Variants in PCDH9 observed in about 807,000 individuals in gnomAD.
The protein encoded by PCDH9 is protocadherin-9.
A neutral mutation model predicts 70.6 loss-of-function variants in PCDH9; 24 were observed. The observed-to-expected ratio is 0.34, with a 90% CI of 0.25 to 0.48. The LOEUF is 0.48. PCDH9 is among the 20% of genes least tolerant of loss of function. The pLI is 0.99. For missense variants in PCDH9, 1,281 were observed against 1,503.6 expected (o/e 0.85, Z 2.45); for synonymous variants, 562 against 558.5 (o/e 1.01, Z -0.09).
rs139034161 is a variant in PCDH9 at position 66,945,333 on chromosome 13, T to A, written c.3037-41728A>T. 3.1e-3 allele frequency among the ~76,000 whole-genome samples: 473 copies of A among 152,252 alleles called. 2 individuals carry two copies. The highest frequency in any genetic ancestry group is 0.011 in the African/African-American group (448 of 41,556). On this transcript the variant is annotated intron_variant, in intron 2 of 4. Transcript: ENST00000377865. ...AGGCATACTATATGAGTTTTGATCA[T>A]CTGGCCCTTCTTTGAGTGCCATATT...
intron 2 of PCDH9, among the ~76,000 whole-genome samples, chr13:66,968,627 T>C (rs1376576939): frequency 6.6e-6 from 1 of 152,070 alleles, no homozygotes; most frequent in Non-Finnish European, 1.5e-5. Context: ...GGCTAATACA[T>C]TAGCTATCAA....
chr13:66,624,649 T>C (rs1351697956), intron 4 of PCDH9, among the ~76,000 whole-genome samples: 2 of 152,226 alleles, frequency 1.3e-5, no homozygotes, highest in Non-Finnish European at 2.9e-5. Context: ...ACTTAAAAGG[T>C]CTTTAATGGA....
At chr13:66,638,801 C>T (rs982727311) in intron 3 of PCDH9, among the ~76,000 whole-genome samples, 9 of 152,246 alleles carry the variant, frequency 5.9e-5, no homozygotes, top group South Asian at 2.1e-4. Context: ...TGATTTCTCA[C>T]GGGAAAAGTT....
At chr13:66,565,551 A>G (rs997390015) in intron 4 of PCDH9, among the ~76,000 whole-genome samples, 36 of 152,166 alleles carry the variant, frequency 2.4e-4, no homozygotes, top group Non-Finnish European at 5.0e-4. Flanking sequence ...ATTTATCTCA[A>G]TCTTAGATTT....
intron 3 of PCDH9, among the ~76,000 whole-genome samples, chr13:66,756,284 A>T (rs2079537149): frequency 6.6e-6 from 1 of 152,216 alleles, no homozygotes. Flanking sequence ...ACAATTAAAA[A>T]TCAATCGTTT....
At chr13:66,774,419 ATGGAG>A (rs71787773) in intron 3 of PCDH9, among the ~76,000 whole-genome samples, 25,198 of 151,766 alleles carry the variant, frequency 0.17, 2,669 homozygotes, top group Non-Finnish European at 0.24. Context: ...GGGGGAAATG[ATGGAG>A]TCACTTCTTT....
At chr13:66,796,407 T>C (rs1013579433) in intron 3 of PCDH9, among the ~76,000 whole-genome samples, 9 of 152,168 alleles carry the variant, frequency 5.9e-5, no homozygotes, top group Non-Finnish European at 1.3e-4. Context: ...TATACCTAAT[T>C]AGTCTCTTTT....
At chr13:66,661,916 A>C (rs2078014330) in intron 3 of PCDH9, among the ~76,000 whole-genome samples, 1 of 152,138 alleles carries the variant, frequency 6.6e-6, no homozygotes, top group Admixed American at 6.6e-5. Context: ...CGAAATCATC[A>C]CTCAAGTAAA....
At chr13:66,931,078 A>C (rs145569467) in intron 2 of PCDH9, among the ~76,000 whole-genome samples, 14 of 152,260 alleles carry the variant, frequency 9.2e-5, no homozygotes, top group African/African-American at 3.1e-4. Flanking sequence ...ACATCAGCTA[A>C]TGTTTTTCAA....
chr13:66,760,585 T>C (rs112281156), intron 3 of PCDH9, among the ~76,000 whole-genome samples: 1,967 of 152,278 alleles, frequency 0.013, 42 homozygotes, highest in African/African-American at 0.045. Context: ...CTGTACAAAT[T>C]GTTTGTAAAA....
chr13:66,390,635 C>G (rs1957002072), intron 4 of PCDH9, among the ~76,000 whole-genome samples: 1 of 151,462 alleles, frequency 6.6e-6, no homozygotes, highest in African/African-American at 2.4e-5. Flanking sequence ...ACTTGGGAGG[C>G]TGAGTTAGGA....
chr13:66,394,423 G>C (rs138839659), intron 4 of PCDH9, among the ~76,000 whole-genome samples: 1 of 152,024 alleles, frequency 6.6e-6, no homozygotes, highest in Non-Finnish European at 1.5e-5. Flanking sequence ...AAAGAAAATC[G>C]GACTAAAATA....
chr13:66,412,830 A>C (rs1241299138), intron 4 of PCDH9, among the ~76,000 whole-genome samples: 2 of 152,152 alleles, frequency 1.3e-5, no homozygotes, highest in African/African-American at 4.8e-5. Context: ...GGCATGACTG[A>C]GTGGACCGGA....
chr13:67,194,831 G>A (rs546458426), intron 2 of PCDH9, among the ~76,000 whole-genome samples: 36 of 152,236 alleles, frequency 2.4e-4, no homozygotes, highest in African/African-American at 7.9e-4. Context: ...AGCAGTTAGA[G>A]TAGATGTCGA....
chr13:67,011,143 T>C (rs1000201735), intron 2 of PCDH9, among the ~76,000 whole-genome samples: 7 of 151,954 alleles, frequency 4.6e-5, no homozygotes, highest in Admixed American at 4.6e-4. Context: ...TTAATCATGA[T>C]GTTATTTACA....
intron 2 of PCDH9, among the ~76,000 whole-genome samples, chr13:67,155,782 A>AT (rs2087795492): frequency 6.6e-6 from 1 of 151,960 alleles, no homozygotes; most frequent in African/African-American, 2.4e-5. Flanking sequence ...AATAATAATA[A>AT]TAATTATTAT....
rs1430478472 is a variant in PCDH9 at position 66,727,121 on chromosome 13, A to T, written c.3139-95710T>A. ...ATTTCTACAAAACATTTTAAAAATT[A>T]GCCAGGTGTGTTGGCACACACCTGT... On this transcript the variant is annotated intron_variant, in intron 3 of 4. Coordinates refer to ENST00000377865, the MANE Select transcript of PCDH9 (RefSeq NM_203487.3). 3.9e-5 allele frequency among the ~76,000 whole-genome samples: 6 copies of T among 152,222 alleles called. No individual in the cohort carries two copies. The East Asian group carries it at 9.7e-4, about 25-fold the overall frequency.
chr13:66,829,717 C>CAAAAAAAAAAAAAAAAAAAAAAAAAAAAA lies in PCDH9; in HGVS notation c.3138+73758_3138+73786dup, dbSNP rs562176354. Among the ~76,000 whole-genome samples, 3 of 53,128 alleles carry CAAAAAAAAAAAAAAAAAAAAAAAAAAAAA rather than the reference C, an allele frequency of 5.6e-5. 1 individual carries two copies. Among genetic ancestry groups the CAAAAAAAAAAAAAAAAAAAAAAAAAAAAA allele is most frequent in the African/African-American group, 2.1e-4 (3 of 14,056 alleles). The allele number at this position is 53,128 out of a possible 152,430, so 34.9% of individuals were successfully genotyped here. On this transcript the variant is annotated intron_variant, in intron 3 of 4. Coordinates refer to ENST00000377865, the MANE Select transcript of PCDH9 (RefSeq NM_203487.3). ...TGGGCGACAGAGCGAGACTCCGTCT[C>CAAAAAAAAAAAAAAAAAAAAAAAAAAAAA]AAAAAAAAAAAAAAAAAAAAAAAAA...
chr13:66,851,127 A>G (rs945019456), intron 3 of PCDH9, among the ~76,000 whole-genome samples: 3 of 152,238 alleles, frequency 2.0e-5, no homozygotes, highest in Non-Finnish European at 4.4e-5. Flanking sequence ...AACAAAAGAC[A>G]GGAAAGCATG....
Sources: gnomAD v4.1 joint callset for allele counts (sites outside exome capture counted in the v4.1 genomes callset) on GRCh38, gnomAD v4.1.1 for gene constraint, MANE v1.5 for transcripts, NCBI Gene and HGNC (gene_info 2026-07-23, HGNC 2026-07-21) for gene names.